Variants in PTPN2 observed in about 807,000 individuals in gnomAD.
PTPN2 encodes protein tyrosine phosphatase non-receptor type 2.
Under a neutral mutation model 57.3 loss-of-function variants are expected in PTPN2, and 19 were observed. That is an observed-to-expected ratio of 0.33 (90% CI 0.23 to 0.49). PTPN2 has a LOEUF of 0.49. Ranked by LOEUF, PTPN2 falls within the 20% of genes least tolerant of loss-of-function variation. PTPN2 has a pLI of 0.99. For missense variants in PTPN2, 358 were observed against 501.1 expected, an observed-to-expected ratio of 0.71 and a Z score of 2.73; for synonymous variants, 153 against 164.9, an observed-to-expected ratio of 0.93 and a Z score of 0.55.
chr18:12,882,366 A>T (rs1054459324), intron 1 of PTPN2, among the ~76,000 whole-genome samples: 9 of 152,258 alleles, frequency 5.9e-5, no homozygotes, highest in Non-Finnish European at 1.3e-4. Context: ...AATGCATGTG[A>T]AATCTCCAGT....
chr18:12,858,308 C>T (rs899280687), intron 2 of PTPN2, among the ~76,000 whole-genome samples: 1 of 152,150 alleles, frequency 6.6e-6, no homozygotes, highest in Non-Finnish European at 1.5e-5. Context: ...CCACTAAAGT[C>T]AAACATAGGG....
chr18:12,874,141 C>T (rs1480808180), intron 1 of PTPN2, among the ~76,000 whole-genome samples: 2 of 152,078 alleles, frequency 1.3e-5, no homozygotes, highest in Admixed American at 6.5e-5. Flanking sequence ...GCAGCCGCCC[C>T]GTCCAGGAGG....
At chr18:12,876,643 T>C (rs9945354) in intron 1 of PTPN2, among the ~76,000 whole-genome samples, 6,343 of 152,276 alleles carry the variant, frequency 0.042, 442 homozygotes, top group African/African-American at 0.14. Context: ...GGGGCACCCA[T>C]CCCAAGGCTG....
chr18:12,785,583 T>C (rs1208080993), exon 10 of PTPN2: 1 of 564,002 alleles, frequency 1.8e-6, no homozygotes, highest in Non-Finnish European at 3.1e-6. Flanking sequence ...TGTACATCTT[T>C]CTACATTTCA....
At chr18:12,807,568 G>GGAAAA (rs1491298104) in intron 7 of PTPN2, among the ~76,000 whole-genome samples, 2 of 41,198 alleles carry the variant, frequency 4.9e-5, no homozygotes, top group Admixed American at 5.2e-4. Flanking sequence ...AGAAAATGTG[G>GGAAAA]AAAAAAAAAA....
intron 2 of PTPN2, among the ~76,000 whole-genome samples, chr18:12,857,061 A>AG: frequency 8.1e-5 from 1 of 12,398 alleles, no homozygotes; most frequent in Non-Finnish European, 2.1e-3. Context: ...ACACCATCTC[A>AG]AAAAAAAAAA....
intron 3 of PTPN2, among the ~76,000 whole-genome samples, chr18:12,831,982 A>G (rs111934818): frequency 1.1e-4 from 16 of 152,348 alleles, no homozygotes; most frequent in Non-Finnish European, 1.9e-4. Context: ...TACACCTAAA[A>G]TAACTATGAA....
chr18:12,792,928 C>G lies in PTPN2; in HGVS notation c.*1350G>C. 1 of 984,938 alleles carries G rather than the reference C, an allele frequency of 1.0e-6. No homozygotes were observed. Among genetic ancestry groups the G allele is most frequent in the Non-Finnish European group, 1.2e-6 (1 of 829,500 alleles). 61.0% of individuals were successfully genotyped at this position (984,938 alleles called of 1,614,324 possible). A position where few individuals can be genotyped will look rare whatever the true frequency, so the allele number is the denominator to read the frequency against. The stretch of plus-strand genomic sequence containing the variant: ...AATGATAACTGCCCCCTTTAAAATA[C>G]TTAAGCCTTATGCAGAAATCTTATG... On this transcript the variant is annotated 3_prime_UTR_variant, in exon 9 of 9. Coordinates refer to ENST00000309660, the MANE Select transcript of PTPN2 (RefSeq NM_002828.4).
chr18:12,805,456 C>CAA (rs752132478), intron 7 of PTPN2, among the ~76,000 whole-genome samples: 13 of 122,146 alleles, frequency 1.1e-4, no homozygotes, highest in African/African-American at 2.4e-4. Flanking sequence ...GACTCTGTCT[C>CAA]AAAAAAAAAA....
chr18:12,800,122 A>G (rs753584030), intron 8 of PTPN2, among the ~76,000 whole-genome samples: 31 of 152,172 alleles, frequency 2.0e-4, no homozygotes, highest in Admixed American at 1.1e-3. Flanking sequence ...ACACACACAC[A>G]GACCCCATAA....
At chr18:12,874,193 G>C (rs1035928762) in intron 1 of PTPN2, among the ~76,000 whole-genome samples, 16 of 151,582 alleles carry the variant, frequency 1.1e-4, no homozygotes, top group Admixed American at 1.1e-3. Flanking sequence ...GCCCCATCTG[G>C]GAGGGAGGTT....
In PTPN2 at chr18:12,859,181, T is replaced by C; in HGVS notation, c.143A>G (p.Tyr48Cys). 1 of 1,612,994 alleles carries C rather than the reference T, an allele frequency of 6.2e-7. No homozygotes were observed. Among genetic ancestry groups the C allele is most frequent in the Non-Finnish European group, 8.5e-7 (1 of 1,179,046 alleles). ...GTACTTACATGGGCTTACATCTCTG[T>C]ATCTGTTTCGATTTCTGTTTTCTGG... ...KFPENRNRNR[Y>C]RDVSPYDHSR... Residue 48 changes from tyrosine (Y) to cysteine (C), a missense_variant, in exon 2 of 9, where the codon TAC (tyrosine) becomes TGC (cysteine). Around this residue, in one of 4 missense-constraint regions of PTPN2, gnomAD observed 193 missense variants for 315.4 expected, o/e 0.61. Coordinates refer to ENST00000309660, the MANE Select transcript of PTPN2 (RefSeq NM_002828.4).
intron 1 of PTPN2, among the ~76,000 whole-genome samples, chr18:12,867,198 A>G (rs1381506754): frequency 6.6e-6 from 1 of 152,152 alleles, no homozygotes; most frequent in Non-Finnish European, 1.5e-5. Context: ...GCGTGCCTGC[A>G]GTCCCAGCTA....
At chr18:12,827,355 A>AAATAAT (rs1555668906) in intron 4 of PTPN2, among the ~76,000 whole-genome samples, 1 of 143,384 alleles carries the variant, frequency 7.0e-6, no homozygotes. Context: ...AAAAAAAAAA[A>AAATAAT]AATAATAATA....
intron 8 of PTPN2, among the ~76,000 whole-genome samples, chr18:12,799,663 C>T (rs1302373748): frequency 1.3e-5 from 2 of 151,680 alleles, no homozygotes; most frequent in Admixed American, 6.6e-5. Context: ...CGGCTCACTG[C>T]AACCTCCTGG....
intron 5 of PTPN2, among the ~76,000 whole-genome samples, chr18:12,823,798 G>C (rs2042352821): frequency 6.6e-6 from 1 of 152,072 alleles, no homozygotes; most frequent in South Asian, 2.1e-4. Flanking sequence ...AAAATACGGG[G>C]ATAATAAGAA....
At chr18:12,852,062 T>C (rs557130506) in intron 2 of PTPN2, among the ~76,000 whole-genome samples, 7 of 148,530 alleles carry the variant, frequency 4.7e-5, no homozygotes, top group Non-Finnish European at 7.4e-5. Context: ...AGATAGGGAG[T>C]TTTTCAATGG....
intron 2 of PTPN2, among the ~76,000 whole-genome samples, chr18:12,842,970 T>C (rs2043093781): frequency 6.6e-6 from 1 of 152,336 alleles, no homozygotes; most frequent in South Asian, 2.1e-4. Flanking sequence ...TTAACTGACT[T>C]TCTTAAGCGT....
At chr18:12,847,986 G>A (rs981444315) in intron 2 of PTPN2, among the ~76,000 whole-genome samples, 2 of 151,554 alleles carry the variant, frequency 1.3e-5, no homozygotes, top group Admixed American at 1.3e-4. Context: ...TAGTAAAAAA[G>A]CTGTCAACAA....
Sources: allele counts gnomAD v4.1 joint callset (sites outside exome capture counted in the v4.1 genomes callset), GRCh38; gene constraint gnomAD v4.1.1; regional missense constraint gnomAD v4.1.1; transcripts MANE v1.5; gene names NCBI Gene and HGNC (gene_info 2026-07-23, HGNC 2026-07-21).